The following SYCP1 variants were observed in gnomAD, a reference collection of about 807,000 sequenced individuals.
SYCP1 encodes the protein cancer/testis antigen 8.
A neutral mutation model predicts 153.1 loss-of-function variants in SYCP1; 64 were observed. The observed-to-expected ratio is 0.42, with a 90% CI of 0.34 to 0.51. The LOEUF is 0.51. Among genes scored for constraint, SYCP1 ranks in the 20% least tolerant of loss-of-function variants. SYCP1 has a pLI of 0.06. For missense variants in SYCP1, 997 were observed against 1,049.0 expected, an observed-to-expected ratio of 0.95 and a Z score of 0.68; for synonymous variants, 384 against 341.8, an observed-to-expected ratio of 1.12 and a Z score of -1.36.
intron 23 of SYCP1, among the ~76,000 whole-genome samples, chr1:114,936,955 A>G (rs1670052171): frequency 6.6e-6 from 1 of 152,226 alleles, no homozygotes; most frequent in African/African-American, 2.4e-5. Context: ...AGATCATGAA[A>G]ATGGCCATAC....
At chr1:114,862,462 G>A (rs1664444413) in intron 8 of SYCP1, among the ~76,000 whole-genome samples, 2 of 151,452 alleles carry the variant, frequency 1.3e-5, no homozygotes, top group African/African-American at 4.9e-5. Context: ...TGATTCTCCT[G>A]CCTCAGCCTC....
chr1:114,949,351 C>A (rs1218402637), intron 27 of SYCP1, among the ~76,000 whole-genome samples: 1 of 152,156 alleles, frequency 6.6e-6, no homozygotes, highest in Admixed American at 6.5e-5. Flanking sequence ...CAGTTCTTAT[C>A]GGGAATGCCA....
intron 23 of SYCP1, among the ~76,000 whole-genome samples, chr1:114,935,134 C>T (rs1487246230): frequency 2.6e-5 from 4 of 152,136 alleles, no homozygotes; most frequent in Non-Finnish European, 5.9e-5. Context: ...ACACCTATTC[C>T]AAAATTGACC....
chr1:114,983,685 A>G (rs192849080), intron 29 of SYCP1, among the ~76,000 whole-genome samples: 1 of 152,056 alleles, frequency 6.6e-6, no homozygotes, highest in Admixed American at 6.6e-5. Flanking sequence ...AGACACCACG[A>G]AGTTTGGGTT....
At chr1:114,933,168 A>G (rs1341852395) in intron 23 of SYCP1, among the ~76,000 whole-genome samples, 1 of 152,178 alleles carries the variant, frequency 6.6e-6, no homozygotes, top group African/African-American at 2.4e-5. Context: ...CTGACACCTC[A>G]CATGGCTGGG....
intron 20 of SYCP1, among the ~76,000 whole-genome samples, chr1:114,919,656 T>C (rs1557800303): frequency 1.3e-5 from 2 of 152,096 alleles, no homozygotes; most frequent in Non-Finnish European, 2.9e-5. Context: ...GAAGACTTTT[T>C]ATTATAGCTT....
intron 15 of SYCP1, among the ~76,000 whole-genome samples, chr1:114,890,290 T>C (rs1447677377): frequency 6.6e-6 from 1 of 151,936 alleles, no homozygotes; most frequent in East Asian, 1.9e-4. Flanking sequence ...GAAGAAAATG[T>C]TAGAATTTCT....
intron 16 of SYCP1, among the ~76,000 whole-genome samples, chr1:114,906,222 C>T (rs1667801192): frequency 1.3e-5 from 2 of 152,124 alleles, no homozygotes; most frequent in Admixed American, 6.5e-5. Flanking sequence ...CCGCCTTGAC[C>T]TCCCAAAGTG....
chr1:114,932,551 C>T (rs1403617836), intron 23 of SYCP1, among the ~76,000 whole-genome samples: 2 of 152,094 alleles, frequency 1.3e-5, no homozygotes, highest in Admixed American at 6.6e-5. Flanking sequence ...CCCACTGGGG[C>T]TTGTCGGACA....
Position 114,869,755 on chromosome 1 carries a change from A to G in SYCP1, c.599-4751A>G, listed in dbSNP as rs192133366. ...AATCTAAAAAGAAATCTGAAATCTG[A>G]TATATTAATTGTCCTGGTCCCAAAC... is the stretch of plus-strand genomic sequence containing the variant. On this transcript the variant is annotated intron_variant, in intron 8 of 31. Coordinates refer to ENST00000369522, the MANE Select transcript of SYCP1 (RefSeq NM_003176.4). Among the ~76,000 whole-genome samples the G allele has an allele frequency of 1.7e-3, 259 of 152,314 alleles. 2 individuals carry two copies. Among genetic ancestry groups the G allele is most frequent in the Admixed American group, 8.0e-3 (123 of 15,290 alleles).
chr1:114,886,272 T>G lies in SYCP1; in HGVS notation c.1153T>G (p.Cys385Gly). 6.2e-7 allele frequency: 1 copy of G among 1,600,034 alleles called. No homozygotes were observed. The highest frequency in any genetic ancestry group is 8.5e-7 in the Non-Finnish European group (1 of 1,174,700). The change falls in exon 14 of 32, where the codon TGC becomes GGC. Residue 385 changes from cysteine to glycine, a missense_variant. Coordinates refer to ENST00000369522, the MANE Select transcript of SYCP1 (RefSeq NM_003176.4). ...GGTTACTGAATTTGAAACTACTGTC[T>G]GCAGCTTGGAAGAATTATTGAGAAC... ...FVVTEFETTV[C>G]SLEELLRTEQ...
chr1:114,922,657 A>G (rs1668973945), intron 20 of SYCP1, among the ~76,000 whole-genome samples: 1 of 152,108 alleles, frequency 6.6e-6, no homozygotes, highest in Non-Finnish European at 1.5e-5. Context: ...ACATTTCAAT[A>G]TGAAATTTGG....
chr1:114,894,769 T>C (rs1291754080), intron 15 of SYCP1, among the ~76,000 whole-genome samples: 1 of 152,078 alleles, frequency 6.6e-6, no homozygotes, highest in African/African-American at 2.4e-5. Flanking sequence ...AAAATGGTTA[T>C]TGGTGATCCT....
At chr1:114,869,052 AT>A (rs1230594192) in intron 8 of SYCP1, among the ~76,000 whole-genome samples, 1 of 151,912 alleles carries the variant, frequency 6.6e-6, no homozygotes, top group Non-Finnish European at 1.5e-5. Context: ...TTTTACTCTA[AT>A]TTTTATTACT....
chr1:114,904,690 T>C (rs1667703590), intron 16 of SYCP1, among the ~76,000 whole-genome samples: 1 of 152,248 alleles, frequency 6.6e-6, no homozygotes, highest in African/African-American at 2.4e-5. Context: ...AACTACCAAA[T>C]AGGCATTTGA....
intron 20 of SYCP1, 138 bp downstream of exon 20, chr1:114,914,183 T>C (rs1277025867): frequency 4.8e-5 from 29 of 602,648 alleles, no homozygotes; most frequent in Non-Finnish European, 7.5e-5. Context: ...ATCACTGTTG[T>C]GGAATCCTGC....
At position 114,911,571 on chromosome 1, in the gene SYCP1, T is replaced by G; in HGVS notation, c.1518T>G (p.Leu506=). The part of the protein sequence containing the change: ...SKEVKDLKTE[L]ENEKLKNTEL... ...AGGTTAAAGATCTAAAAACTGAGCT[T>G]GAAAACGAGAAGTATGTTTTCCATT... Residue 506 remains leucine (L), a synonymous_variant, in exon 18 of 32, where the codon CTT becomes CTG. Transcript: ENST00000369522. 2 of 1,493,412 alleles carry G rather than the reference T, an allele frequency of 1.3e-6. No individual in the cohort carries two copies. The highest frequency in any genetic ancestry group is 5.2e-5 in the East Asian group (2 of 38,202). The allele number at this position is 1,493,412 out of a possible 1,614,324, so 92.5% of individuals were successfully genotyped here.
chr1:114,862,498 C>T (rs955616614), intron 8 of SYCP1, among the ~76,000 whole-genome samples: 5 of 152,008 alleles, frequency 3.3e-5, no homozygotes, highest in Non-Finnish European at 5.9e-5. Flanking sequence ...TACAGGTGCC[C>T]ACCACCACGC....
chr1:114,965,681 C>T (rs57105065), intron 27 of SYCP1, among the ~76,000 whole-genome samples: 5,155 of 152,146 alleles, frequency 0.034, 295 homozygotes, highest in African/African-American at 0.12. Context: ...TATGTTGAAC[C>T]AGCGTTGCAT....
Sources: gnomAD v4.1 joint callset for allele counts (sites outside exome capture counted in the v4.1 genomes callset) on GRCh38, gnomAD v4.1.1 for gene constraint, MANE v1.5 for transcripts, NCBI Gene and HGNC (gene_info 2026-07-23, HGNC 2026-07-21) for gene names.